The following C4orf50 variants were observed in gnomAD, a reference collection of about 807,000 sequenced individuals.
The protein encoded by C4orf50 is chromosome 4 open reading frame 50, also known as uncharacterized protein C4orf50.
Under a neutral mutation model 77.2 loss-of-function variants are expected in C4orf50, and 80 were observed. That is an observed-to-expected ratio of 1.04 (90% confidence interval 0.87 to 1.25). The LOEUF (loss-of-function observed/expected upper bound fraction) is 1.25, where lower values mean the gene tolerates loss of function less well. C4orf50 is among the 50% of genes most tolerant of loss of function. The pLI is 0.00. For synonymous variants in C4orf50, 532 were observed against 465.3 expected, an observed-to-expected ratio of 1.14 and a Z score of -1.84; for missense variants, 1,257 against 1,152.9, an observed-to-expected ratio of 1.09 and a Z score of -1.31.
chr4:6,003,091 G>A (rs1721907104), intron 25 of C4orf50, among the ~76,000 whole-genome samples: 1 of 152,138 alleles, frequency 6.6e-6, no homozygotes, highest in Non-Finnish European at 1.5e-5. Context: ...CAGCTCCTTG[G>A]CCCAGACAGC....
intron 7 of C4orf50, among the ~76,000 whole-genome samples, chr4:5,943,835 C>T (rs575459886): frequency 1.3e-5 from 2 of 152,332 alleles, no homozygotes; most frequent in East Asian, 3.9e-4. Flanking sequence ...ACTCATCGGA[C>T]TTCATCTTAT....
intron 7 of C4orf50, among the ~76,000 whole-genome samples, chr4:5,928,381 C>CACACACACACACACAT (rs1560546267): frequency 8.7e-6 from 1 of 114,526 alleles, no homozygotes. Flanking sequence ...CACACACATA[C>CACACACACACACACAT]ACACACACAC....
Position 6,007,470 on chromosome 4 carries a change from A to T in C4orf50, c.963+526T>A, listed in dbSNP as rs560931242. Among the ~76,000 whole-genome samples, 48 of 152,208 alleles carry T rather than the reference A, an allele frequency of 3.2e-4. No homozygotes were observed. The highest frequency in any genetic ancestry group is 7.8e-4 in the Admixed American group (12 of 15,288). On this transcript the variant is annotated intron_variant, in intron 25 of 33. Coordinates refer to ENST00000531445, the Ensembl canonical transcript of C4orf50. The surrounding 1 kb of genome is among the most constrained non-coding windows in gnomAD (Gnocchi z 4.1). ...GAACCAGGAAGCAGGCCCTCCCCCAACACCAAATCTGCTGGTGCCTTGATC... is the reference window on the plus strand; with the variant it reads ...GAACCAGGAAGCAGGCCCTCCCCCATCACCAAATCTGCTGGTGCCTTGATC...
Position 5,992,495 on chromosome 4 carries a change from C to T in C4orf50, c.1221+308G>A, listed in dbSNP as rs916573864. 6.6e-6 allele frequency among the ~76,000 whole-genome samples: 1 copy of T among 152,136 alleles called. No homozygotes were observed. The highest frequency in any genetic ancestry group is 1.9e-4 in the East Asian group (1 of 5,158). ...CACAGCAGCCCTTGGAGTCTCATCTCCTCTCCAGAGCAGAGGTGGCAGCAA... is the reference window on the plus strand; with the variant it reads ...CACAGCAGCCCTTGGAGTCTCATCTTCTCTCCAGAGCAGAGGTGGCAGCAA... On this transcript the variant is annotated intron_variant, in intron 27 of 33. Transcript: ENST00000531445. This position sits in a 1 kb window ranked among gnomAD's most constrained non-coding sequence, Gnocchi z 5.0.
At chr4:5,922,667 G>A (rs1717329444) in intron 7 of C4orf50, among the ~76,000 whole-genome samples, 1 of 152,164 alleles carries the variant, frequency 6.6e-6, no homozygotes, top group Non-Finnish European at 1.5e-5. Flanking sequence ...GGCAGGAGAA[G>A]GGTTGTCCTC....
intron 7 of C4orf50, among the ~76,000 whole-genome samples, chr4:5,912,256 CGTGTGTGTGT>C (rs58017259): frequency 1.9e-3 from 285 of 146,402 alleles, no homozygotes; most frequent in East Asian, 6.7e-3. Context: ...GCACTCCACT[CGTGTGTGTGT>C]GTGTGTGTGT....
Position 6,015,989 on chromosome 4 carries a change from G to A in C4orf50, c.287+2156C>T, listed in dbSNP as rs945929964. Reference sequence around the variant, plus strand: ...CGTGAGTGTGCGCGTGGGTGTGAGTGTCCTGTTCAGGCCTTGCACCCTGAG... The same window carrying A: ...CGTGAGTGTGCGCGTGGGTGTGAGTATCCTGTTCAGGCCTTGCACCCTGAG... On this transcript the variant is annotated intron_variant, in intron 23 of 33. Transcript: ENST00000531445. This position sits in a 1 kb window ranked among gnomAD's most constrained non-coding sequence, Gnocchi z 4.4. 6.6e-6 allele frequency among the ~76,000 whole-genome samples: 1 copy of A among 152,200 alleles called. No homozygotes were observed. Among genetic ancestry groups the A allele is most frequent in the Non-Finnish European group, 1.5e-5 (1 of 68,042 alleles).
rs1407266335 is a variant in C4orf50 at position 5,988,698 on chromosome 4, C to G, written c.3348G>C (p.Arg1116Ser). Residue 1116 changes from arginine (R) to serine (S), a missense_variant, in exon 28 of 34, where the codon AGG becomes AGC. Physicochemically the swap from Arg to Ser is moderately radical, Grantham distance 110 (BLOSUM62 -1). Coordinates refer to ENST00000531445, the Ensembl canonical transcript of C4orf50. ...CTTTTCCCTGGAGGTGCTCCCTTCC[C>G]CTCACCAAACGCCCCTGATCCGTGC... The G allele has an allele frequency of 3.9e-6, 6 of 1,536,098 alleles. No homozygotes were observed. In the East Asian group the frequency reaches 1.5e-4, roughly 38 times the overall value.
intron 7 of C4orf50, chr4:5,902,521 T>C (rs1716384405): frequency 6.6e-6 from 1 of 152,224 alleles, no homozygotes; most frequent in Admixed American, 6.5e-5. Context: ...GTGACCTTAC[T>C]TGTTAAGAAG....
In C4orf50 at chr4:6,004,910, C is replaced by T. The variant is rs75097293; in HGVS notation, c.963+3086G>A. Among the ~76,000 whole-genome samples, 1,250 of 152,128 alleles carry T rather than the reference C, an allele frequency of 8.2e-3. 13 individuals carry two copies. The highest frequency in any genetic ancestry group is 0.011 in the South Asian group (55 of 4,826). ...ATTTGACTGATCACTCAAAATATAC[C>T]GGGCACTGAGCTAAGAGCTTTCCCT... On this transcript the variant is annotated intron_variant, in intron 25 of 33. Coordinates refer to ENST00000531445, the Ensembl canonical transcript of C4orf50.
intron 25 of C4orf50, among the ~76,000 whole-genome samples, chr4:5,998,535 A>G (rs1226100930): frequency 2.6e-5 from 4 of 152,228 alleles, no homozygotes; most frequent in African/African-American, 4.8e-5. Context: ...CTGCCAGGGC[A>G]TAGAGGCTGG....
intron 7 of C4orf50, among the ~76,000 whole-genome samples, chr4:5,920,777 A>T (rs1019637454): frequency 6.6e-6 from 1 of 152,210 alleles, no homozygotes; most frequent in Non-Finnish European, 1.5e-5. Context: ...CACCTGGCCA[A>T]ATATTGCATT....
rs1459797783 is a variant in C4orf50, at chr4:6,000,902, T to A, written c.964-6426A>T. On this transcript the variant is annotated intron_variant, in intron 25 of 33. Transcript: ENST00000531445. The surrounding 1 kb of genome is among the most constrained non-coding windows in gnomAD (Gnocchi z 6.0). Reference sequence around the variant, plus strand: ...CAAAACTCATCCGTTAAAACCCATATCCCCAAAGGGATGTTATTAGGAAGC... The same window carrying A: ...CAAAACTCATCCGTTAAAACCCATAACCCCAAAGGGATGTTATTAGGAAGC... 6.6e-6 allele frequency among the ~76,000 whole-genome samples: 1 copy of A among 151,956 alleles called. No homozygotes were observed. The highest frequency in any genetic ancestry group is 1.9e-4 in the East Asian group (1 of 5,172).
intron 7 of C4orf50, among the ~76,000 whole-genome samples, chr4:5,917,168 G>C (rs985137035): frequency 3.3e-5 from 5 of 152,152 alleles, no homozygotes; most frequent in African/African-American, 1.2e-4. Flanking sequence ...GGAAGCTGAG[G>C]CTCAAGAGTC....
In C4orf50 at chr4:5,958,751, T is replaced by C. The variant is rs1406586475; in HGVS notation, c.*624A>G. 2 of 152,234 alleles carry C rather than the reference T, an allele frequency of 1.3e-5. No homozygotes were observed. Among genetic ancestry groups the C allele is most frequent in the Admixed American group, 6.5e-5 (1 of 15,282 alleles). The allele number at this position is 152,234 out of a possible 1,614,324, so 9.4% of individuals were successfully genotyped here. On this transcript the variant is annotated 3_prime_UTR_variant, in exon 34 of 34. Coordinates refer to ENST00000531445, the Ensembl canonical transcript of C4orf50. The surrounding 1 kb of genome is among the most constrained non-coding windows in gnomAD (Gnocchi z 5.4). ...AAAGTTCTGGTTAGTTTTAATGTTT[T>C]TAAATGTAAAATATATGGTGACTTA...
Position 5,908,582 on chromosome 4 carries a change from A to C in C4orf50, c.*2475-10394T>G, listed in dbSNP as rs917040467. On this transcript the variant is annotated intron_variant, in intron 7 of 7. Transcript: ENST00000324058. The surrounding 1 kb of genome is among the most constrained non-coding windows in gnomAD (Gnocchi z 5.6). ...CGACCATGCGATGGGGAGGGGGGAAAGCCCTGGGGTATCAGAAAATGAGGG... is the reference window on the plus strand; with the variant it reads ...CGACCATGCGATGGGGAGGGGGGAACGCCCTGGGGTATCAGAAAATGAGGG... Among the ~76,000 whole-genome samples, 1 of 152,182 alleles carries C rather than the reference A, an allele frequency of 6.6e-6. No individual in the cohort carries two copies. The highest frequency in any genetic ancestry group is 1.9e-4 in the East Asian group (1 of 5,134).
At chr4:5,980,520 GATTATCCTGTAGAATCTTT>G (rs1314693302) in intron 28 of C4orf50, among the ~76,000 whole-genome samples, 182 bp from the exon 7 acceptor site, 2 of 152,014 alleles carry the variant, frequency 1.3e-5, no homozygotes, top group Non-Finnish European at 2.9e-5. Flanking sequence ...CTCCCAATCT[GATTATCCTGTAGAATCTTT>G]ATTATCCATA....
At position 6,018,488 on chromosome 4, in the gene C4orf50, T is replaced by C; in HGVS notation, c.-57A>G. On this transcript the variant is annotated 5_prime_UTR_variant, in exon 23 of 34. Coordinates refer to ENST00000531445, the Ensembl canonical transcript of C4orf50. The surrounding 1 kb of genome is among the most constrained non-coding windows in gnomAD (Gnocchi z 5.1). ...AATAAAATTAAGTGAGTTTGCAACA[T>C]TGACTTCCCGGAGATTTCAAGGTGG... The C allele has an allele frequency of 2.5e-6, 1 of 398,718 alleles. No homozygotes were observed. Among genetic ancestry groups the C allele is most frequent in the Non-Finnish European group, 4.4e-6 (1 of 226,056 alleles). The allele number at this position is 398,718 out of a possible 1,614,324, so 24.7% of individuals were successfully genotyped here. A position where few individuals can be genotyped will look rare whatever the true frequency, so the allele number is the denominator to read the frequency against.
intron 7 of C4orf50, among the ~76,000 whole-genome samples, chr4:5,929,717 T>C (rs1717679184): frequency 6.6e-6 from 1 of 152,254 alleles, no homozygotes; most frequent in Non-Finnish European, 1.5e-5. Context: ...CTGTGAGCGC[T>C]AGCCCTAAAA....
Sources: gnomAD v4.1 joint callset for allele counts (sites outside exome capture counted in the v4.1 genomes callset) on GRCh38, gnomAD v4.1.1 for gene constraint, Gnocchi (gnomAD v3.1) non-coding constraint, MANE v1.5 for transcripts, NCBI Gene and HGNC (gene_info 2026-07-23, HGNC 2026-07-21) for gene names.